SCAPER: variants seen among roughly 807,000 people sequenced by gnomAD.
SCAPER encodes the protein S-phase cyclin A associated protein in the ER, also known as S phase cyclin A-associated protein in the endoplasmic reticulum.
SCAPER carries 98 observed loss-of-function variants against 182.2 expected under a neutral mutation model. That is an observed-to-expected ratio of 0.54 (90% confidence interval 0.46 to 0.64). The LOEUF is 0.64. SCAPER is among the 30% of genes least tolerant of loss of function. The pLI is 0.00. For missense variants in SCAPER, 1,432 were observed against 1,690.0 expected (o/e 0.85, Z 2.68); for synonymous variants, 605 against 564.6 (o/e 1.07, Z -1.01).
At chr15:76,874,137 A>G (rs912172498) in intron 2 of SCAPER, among the ~76,000 whole-genome samples, 3 of 152,118 alleles carry the variant, frequency 2.0e-5, no homozygotes, top group South Asian at 4.1e-4. Flanking sequence ...CAAGTGATCC[A>G]TCTGCCTCGT....
chr15:76,353,587 T>C (rs1313907999), intron 30 of SCAPER, among the ~76,000 whole-genome samples: 1 of 152,230 alleles, frequency 6.6e-6, no homozygotes, highest in African/African-American at 2.4e-5. Flanking sequence ...TTCATCTTTC[T>C]TCAGTAATTA....
At chr15:76,719,711 A>T (rs182493406) in intron 17 of SCAPER, among the ~76,000 whole-genome samples, 1 of 152,170 alleles carries the variant, frequency 6.6e-6, no homozygotes, top group Non-Finnish European at 1.5e-5. Flanking sequence ...CCTAAGGCAG[A>T]TATCTTTAAT....
intron 21 of SCAPER, among the ~76,000 whole-genome samples, chr15:76,628,904 G>A (rs2052830512): frequency 6.6e-6 from 1 of 152,184 alleles, no homozygotes; most frequent in South Asian, 2.1e-4. Context: ...CTATCTGTGA[G>A]CATTCAATGT....
At chr15:76,360,244 C>G (rs1275487102) in intron 29 of SCAPER, among the ~76,000 whole-genome samples, 3 of 152,150 alleles carry the variant, frequency 2.0e-5, no homozygotes, top group African/African-American at 4.8e-5. Context: ...TCAGTTAACA[C>G]AGCAGAAAAC....
chr15:76,878,085 A>G (rs1383024002), intron 2 of SCAPER, among the ~76,000 whole-genome samples: 2 of 152,212 alleles, frequency 1.3e-5, no homozygotes, highest in Non-Finnish European at 1.5e-5. Flanking sequence ...ATATGGATGT[A>G]TGTATATTTA....
At chr15:76,581,257 C>T (rs1462728831) in intron 22 of SCAPER, among the ~76,000 whole-genome samples, 1 of 152,144 alleles carries the variant, frequency 6.6e-6, no homozygotes, top group Non-Finnish European at 1.5e-5. Flanking sequence ...TCTTATCAAT[C>T]TTACTCAAAC....
chr15:76,458,758 G>C (rs1305826826), intron 25 of SCAPER, among the ~76,000 whole-genome samples: 1 of 152,006 alleles, frequency 6.6e-6, no homozygotes, highest in Non-Finnish European at 1.5e-5. Flanking sequence ...CTGAACACTG[G>C]AACTTATTCC....
rs183228094 is a variant in SCAPER at position 76,887,776 on chromosome 15, T to C, written c.-59-3900A>G. Among the ~76,000 whole-genome samples, 127 of 152,366 alleles carry C rather than the reference T, an allele frequency of 8.3e-4. 1 individual carries two copies. Among genetic ancestry groups the C allele is most frequent in the African/African-American group, 2.9e-3 (119 of 41,594 alleles). The stretch of plus-strand genomic sequence containing the variant: ...CAACTTGTGCAGACTTAAACGTCCC[T>C]GTCTGATGGCTCTGAAGAGAGCAGT... On this transcript the variant is annotated intron_variant, in intron 1 of 31. Coordinates refer to ENST00000563290, the MANE Select transcript of SCAPER (RefSeq NM_020843.4).
At chr15:76,486,425 T>C (rs1363129671) in intron 24 of SCAPER, among the ~76,000 whole-genome samples, 4 of 152,000 alleles carry the variant, frequency 2.6e-5, no homozygotes, top group East Asian at 1.9e-4. Context: ...AGTAAGCAGA[T>C]GACCTACAGA....
chr15:76,525,314 T>C lies in SCAPER; in HGVS notation c.2839-20340A>G, dbSNP rs1018435342. On this transcript the variant is annotated intron_variant, in intron 23 of 31. Coordinates refer to ENST00000563290, the MANE Select transcript of SCAPER (RefSeq NM_020843.4). ...CTCCCAATTATATGCCGTCCTACTATGTTATTGTTGTGGACTACAGTGTAA... is the reference window on the plus strand; with the variant it reads ...CTCCCAATTATATGCCGTCCTACTACGTTATTGTTGTGGACTACAGTGTAA... Among the ~76,000 whole-genome samples the C allele has an allele frequency of 3.9e-5, 6 of 152,290 alleles. No homozygotes were observed. The East Asian group carries it at 9.6e-4, about 24-fold the overall frequency.
chr15:76,850,397 C>G (rs550309931), intron 4 of SCAPER, among the ~76,000 whole-genome samples: 18 of 152,278 alleles, frequency 1.2e-4, no homozygotes, highest in African/African-American at 4.3e-4. Context: ...TGAGCATACC[C>G]ACTGTTAGTG....
At chr15:76,545,823 G>T (rs2045231314) in intron 23 of SCAPER, among the ~76,000 whole-genome samples, 1 of 152,060 alleles carries the variant, frequency 6.6e-6, no homozygotes, top group Non-Finnish European at 1.5e-5. Context: ...GCAACACAGA[G>T]AAATTAACTA....
chr15:76,872,457 A>C (rs2151920082), intron 2 of SCAPER, among the ~76,000 whole-genome samples: 1 of 152,256 alleles, frequency 6.6e-6, no homozygotes, highest in East Asian at 1.9e-4. Context: ...AGAGAGGATA[A>C]GAGCTCATTA....
At chr15:76,381,752 C>G in intron 27 of SCAPER, 137 bp from the exon 28 acceptor site, 1 of 706,904 alleles carries the variant, frequency 1.4e-6, no homozygotes, top group Non-Finnish European at 2.3e-6. Flanking sequence ...CAAGAAACTT[C>G]AAGGAATAAA....
intron 24 of SCAPER, among the ~76,000 whole-genome samples, chr15:76,498,920 A>G (rs1452559736): frequency 6.6e-6 from 1 of 152,238 alleles, no homozygotes; most frequent in African/African-American, 2.4e-5. Context: ...TACTATAGGC[A>G]GATAAATGCA....
intron 2 of SCAPER, among the ~76,000 whole-genome samples, chr15:76,867,554 C>T (rs1208298208): frequency 6.6e-6 from 1 of 152,138 alleles, no homozygotes; most frequent in Non-Finnish European, 1.5e-5. Flanking sequence ...GATGGCTAAA[C>T]TATTATAAGG....
chr15:76,351,487 C>T (rs185335901), intron 30 of SCAPER, among the ~76,000 whole-genome samples, 199 bp from the exon 31 acceptor site: 1 of 152,312 alleles, frequency 6.6e-6, no homozygotes, highest in East Asian at 1.9e-4. Flanking sequence ...GCTAAATTAT[C>T]ACCAGGGGAC....
At chr15:76,456,719 G>A (rs957922871) in intron 25 of SCAPER, among the ~76,000 whole-genome samples, 5 of 152,156 alleles carry the variant, frequency 3.3e-5, no homozygotes, top group African/African-American at 1.2e-4. Flanking sequence ...TCTGAGAATG[G>A]AAATTCTCAT....
At chr15:76,436,509 A>G (rs1469764721) in intron 25 of SCAPER, among the ~76,000 whole-genome samples, 1 of 151,958 alleles carries the variant, frequency 6.6e-6, no homozygotes, top group Non-Finnish European at 1.5e-5. Context: ...TTCATCAATT[A>G]TATTTTAAAA....
Sources: allele counts gnomAD v4.1 joint callset (sites outside exome capture counted in the v4.1 genomes callset), GRCh38; gene constraint gnomAD v4.1.1; transcripts MANE v1.5; gene names NCBI Gene and HGNC (gene_info 2026-07-23, HGNC 2026-07-21).